Variants in SLC4A8 observed in about 807,000 individuals in gnomAD.
SLC4A8 encodes the protein solute carrier family 4 member 8.
SLC4A8 carries 40 observed loss-of-function variants against 125.0 expected under a neutral mutation model. The ratio of observed to expected loss-of-function variants is 0.32; its 90% CI spans 0.25 to 0.42. The LOEUF is 0.42. SLC4A8 is among the 10% of genes least tolerant of loss of function. The pLI, the probability that SLC4A8 is intolerant of heterozygous loss-of-function variation, is 1.00. For missense variants in SLC4A8, 863 were observed against 1,355.1 expected (o/e 0.64, Z 5.70); for synonymous variants, 456 against 476.0 (o/e 0.96, Z 0.55).
intron 1 of SLC4A8, among the ~76,000 whole-genome samples, chr12:51,406,582 T>C (rs887405861): frequency 1.2e-4 from 18 of 152,204 alleles, no homozygotes; most frequent in African/African-American, 3.9e-4. Context: ...TGGTTTGTAA[T>C]GAACGAGTAG....
intron 2 of SLC4A8, among the ~76,000 whole-genome samples, chr12:51,443,591 C>T (rs1297323273): frequency 1.3e-5 from 2 of 152,180 alleles, no homozygotes; most frequent in East Asian, 3.9e-4. Flanking sequence ...CCTGGCAGAT[C>T]ATTATTCCTG....
chr12:51,447,222 A>G (rs1409335437), intron 2 of SLC4A8, among the ~76,000 whole-genome samples: 1 of 151,868 alleles, frequency 6.6e-6, no homozygotes, highest in African/African-American at 2.4e-5. Flanking sequence ...AGCTAGGACT[A>G]TAGGTGCACA....
chr12:51,420,611 T>C (rs2135829), upstream of SLC4A8, among the ~76,000 whole-genome samples: 141,012 of 152,246 alleles, frequency 0.93, 65,368 homozygotes, highest in Non-Finnish European at 0.95. Flanking sequence ...GATTTTATAA[T>C]GTCTCCAGGG....
upstream of SLC4A8, among the ~76,000 whole-genome samples, chr12:51,422,946 C>T (rs10783440): frequency 0.93 from 141,024 of 152,282 alleles, 65,362 homozygotes; most frequent in Non-Finnish European, 0.95. Context: ...TTAACATATA[C>T]CCTGTTTCCC....
chr12:51,425,900 C>T (rs576150883), intron 1 of SLC4A8, among the ~76,000 whole-genome samples: 1 of 152,288 alleles, frequency 6.6e-6, no homozygotes, highest in East Asian at 1.9e-4. Context: ...TGTGAAAGGG[C>T]TTTGTGGAGT....
chr12:51,463,866 T>C, intron 11 of SLC4A8, 152 bp downstream of exon 11: 1 of 573,724 alleles, frequency 1.7e-6, no homozygotes, highest in Non-Finnish European at 3.1e-6. Context: ...ACTAGAAGTA[T>C]TATGAATATA....
At chr12:51,395,623 A>G (rs114669609) in intron 1 of SLC4A8, among the ~76,000 whole-genome samples, 4,229 of 152,074 alleles carry the variant, frequency 0.028, 202 homozygotes, top group African/African-American at 0.095. Context: ...CTTCAGGGGG[A>G]GGTGCTGGCT....
intron 5 of SLC4A8, among the ~76,000 whole-genome samples, chr12:51,455,541 T>A (rs574686521): frequency 1.3e-5 from 2 of 152,206 alleles, no homozygotes; most frequent in African/African-American, 4.8e-5. Flanking sequence ...AGGGGAGATA[T>A]CTGATTGTTC....
At chr12:51,502,047 TA>T (rs1367080634) in intron 22 of SLC4A8, 1 of 152,152 alleles carries the variant, frequency 6.6e-6, no homozygotes, top group Non-Finnish European at 1.5e-5. Context: ...CAATCCTGAC[TA>T]CAGTAGCCAT....
intron 2 of SLC4A8, among the ~76,000 whole-genome samples, chr12:51,450,048 A>G (rs1056029409): frequency 9.2e-5 from 14 of 152,100 alleles, no homozygotes; most frequent in Non-Finnish European, 1.8e-4. Context: ...AAGAAGAAAT[A>G]GGAGCAGAGG....
At chr12:51,425,281 G>T (rs1948930510) in intron 1 of SLC4A8, 3 of 1,299,662 alleles carry the variant, frequency 2.3e-6, no homozygotes, top group South Asian at 2.3e-5. Context: ...TGCGCCGCCC[G>T]CCCAGGAGCC....
intron 1 of SLC4A8, among the ~76,000 whole-genome samples, chr12:51,438,339 C>T (rs1266035513): frequency 4.6e-5 from 7 of 152,128 alleles, no homozygotes; most frequent in Non-Finnish European, 8.8e-5. Context: ...TCTCTGAGAT[C>T]AACTTTTTTT....
In SLC4A8 at chr12:51,489,896, G is replaced by A; in HGVS notation, c.2645G>A (p.Gly882Asp). 6.2e-7 allele frequency: 1 copy of A among 1,614,182 alleles called. No individual in the cohort carries two copies. The highest frequency in any genetic ancestry group is 8.5e-7 in the Non-Finnish European group (1 of 1,180,030). ...FLGIREQRVT[G>D]LMIFVLMGCS... ...GGCATCCGAGAACAGAGAGTGACAG[G>A]CCTTATGATCTTTGTGCTGATGGGC... The change falls in exon 19 of 25, where the codon GGC becomes GAC. Residue 882 changes from glycine to aspartate, a missense_variant. Physicochemically the swap from Gly to Asp is moderately conservative, Grantham distance 94. Coordinates refer to ENST00000453097, the MANE Select transcript of SLC4A8 (RefSeq NM_001039960.3).
At chr12:51,481,357 TATTTAA>T (rs1951021435) in intron 16 of SLC4A8, among the ~76,000 whole-genome samples, 1 of 152,164 alleles carries the variant, frequency 6.6e-6, no homozygotes. Flanking sequence ...AAAACAAATC[TATTTAA>T]AACACCCTCC....
chr12:51,440,635 C>A, intron 1 of SLC4A8, 73 bp from the exon 2 acceptor site: 2 of 1,121,834 alleles, frequency 1.8e-6, no homozygotes, highest in Non-Finnish European at 2.6e-6. Context: ...TCAAAAGGAT[C>A]TGGCATACAC....
At chr12:51,401,115 TC>T (rs1181823902) in intron 1 of SLC4A8, among the ~76,000 whole-genome samples, 2 of 151,988 alleles carry the variant, frequency 1.3e-5, no homozygotes, top group Non-Finnish European at 2.9e-5. Context: ...AACATGTTTT[TC>T]TTTTGTTTGT....
At chr12:51,430,289 A>T (rs1439545322) in intron 1 of SLC4A8, among the ~76,000 whole-genome samples, 2 of 152,174 alleles carry the variant, frequency 1.3e-5, no homozygotes, top group African/African-American at 4.8e-5. Context: ...TCTAGTGCCC[A>T]GTGACTGTGG....
At chr12:51,420,943 G>T (rs1376393921), upstream of SLC4A8, among the ~76,000 whole-genome samples, 2 of 152,172 alleles carry the variant, frequency 1.3e-5, no homozygotes, top group African/African-American at 4.8e-5. Flanking sequence ...GGATGATAGT[G>T]CCTACCTCAG....
rs201742891 is a variant in SLC4A8, at chr12:51,503,231, TA to T, written c.3082-797del. On this transcript the variant is annotated intron_variant, in intron 22 of 24. Transcript: ENST00000453097. ...TTATTATTTTTTTATTTTTTATTTTTATTTTTTTTTTGAGACGGAGTCTCAC... is the reference window on the plus strand; with the variant it reads ...TTATTATTTTTTTATTTTTTATTTTTTTTTTTTTTTGAGACGGAGTCTCAC... 7.2e-4 allele frequency among the ~76,000 whole-genome samples: 107 copies of T among 147,688 alleles called. No homozygotes were observed. The Middle Eastern group carries it at 0.021, about 29-fold the overall frequency.
Sources: gnomAD v4.1 joint callset for allele counts (sites outside exome capture counted in the v4.1 genomes callset) on GRCh38, gnomAD v4.1.1 for gene constraint, MANE v1.5 for transcripts, NCBI Gene and HGNC (gene_info 2026-07-23, HGNC 2026-07-21) for gene names.